MEIS1: variants seen among roughly 807,000 people sequenced by gnomAD.
The protein encoded by MEIS1 is homeobox protein Meis1.
Under a neutral mutation model 50.8 loss-of-function variants are expected in MEIS1, and 5 were observed. That is an observed-to-expected ratio of 0.10 (90% CI 0.05 to 0.21). MEIS1 has a LOEUF of 0.21. Among genes scored for constraint, MEIS1 ranks in the 10% least tolerant of loss-of-function variants. The pLI, the probability that MEIS1 is intolerant of heterozygous loss-of-function variation, is 1.00. For missense variants in MEIS1, 318 were observed against 517.3 expected (o/e 0.61, Z 3.74); for synonymous variants, 176 against 179.3 (o/e 0.98, Z 0.15).
chr2:66,504,311 G>T (rs1199989376), intron 7 of MEIS1, among the ~76,000 whole-genome samples: 1 of 152,002 alleles, frequency 6.6e-6, no homozygotes, highest in Non-Finnish European at 1.5e-5. Flanking sequence ...TCAGCTCACT[G>T]CAGCCTCCGC....
chr2:66,437,471 A>T, intron 1 of MEIS1: 1 of 475,012 alleles, frequency 2.1e-6, no homozygotes, highest in East Asian at 3.6e-5. Flanking sequence ...TTCTTGCCAA[A>T]GGAGCCTGAA....
chr2:66,499,551 G>A (rs1440900224), intron 7 of MEIS1, among the ~76,000 whole-genome samples: 1 of 152,086 alleles, frequency 6.6e-6, no homozygotes, highest in African/African-American at 2.4e-5. Context: ...GAACAGGAGA[G>A]TGCCTTGAGA....
At chr2:66,515,755 A>G (rs1376021980) in intron 8 of MEIS1, among the ~76,000 whole-genome samples, 1 of 152,202 alleles carries the variant, frequency 6.6e-6, no homozygotes, top group African/African-American at 2.4e-5. Flanking sequence ...TGGAATTGAA[A>G]GGAATGACTG....
intron 7 of MEIS1, among the ~76,000 whole-genome samples, chr2:66,489,895 G>C (rs977925159): frequency 6.6e-6 from 1 of 152,018 alleles, no homozygotes; most frequent in Non-Finnish European, 1.5e-5. Context: ...AATTAGTTTT[G>C]GTTTATATTT....
chr2:66,446,100 GC>G (rs1672136708), intron 6 of MEIS1, among the ~76,000 whole-genome samples: 1 of 152,096 alleles, frequency 6.6e-6, no homozygotes, highest in African/African-American at 2.4e-5. Context: ...GGTCCCGGCT[GC>G]GACCCCGGAG....
intron 7 of MEIS1, among the ~76,000 whole-genome samples, chr2:66,500,035 A>G (rs1323012257): frequency 2.0e-5 from 3 of 152,032 alleles, no homozygotes; most frequent in Non-Finnish European, 4.4e-5. Context: ...CCTCTTTATC[A>G]TCTTATACTT....
chr2:66,443,214 C>A, intron 6 of MEIS1, 166 bp downstream of exon 6: 1 of 726,090 alleles, frequency 1.4e-6, no homozygotes, highest in Non-Finnish European at 2.1e-6. Flanking sequence ...ATTATTGCTT[C>A]ATTAAGGCTG....
chr2:66,449,512 T>A (rs988160481), intron 6 of MEIS1, among the ~76,000 whole-genome samples: 2 of 152,108 alleles, frequency 1.3e-5, no homozygotes, highest in Non-Finnish European at 2.9e-5. Context: ...ATTTCAAGAT[T>A]ATAGGAATTT....
chr2:66,541,069 A>G (rs1457997642), intron 8 of MEIS1, among the ~76,000 whole-genome samples: 1 of 151,108 alleles, frequency 6.6e-6, no homozygotes, highest in Non-Finnish European at 1.5e-5. Flanking sequence ...AGACAGTCTC[A>G]CTCAGTCACC....
At chr2:66,516,517 TTTTC>T (rs1673972671) in intron 8 of MEIS1, among the ~76,000 whole-genome samples, 2 of 152,130 alleles carry the variant, frequency 1.3e-5, no homozygotes, top group Non-Finnish European at 2.9e-5. Context: ...TTTTGTTTCA[TTTTC>T]TTTCTTCTTT....
chr2:66,466,637 A>T (rs549402017), intron 7 of MEIS1, among the ~76,000 whole-genome samples: 7 of 152,360 alleles, frequency 4.6e-5, no homozygotes, highest in Non-Finnish European at 7.3e-5. Context: ...TGGATGTGTA[A>T]GCTGTGCCAG....
chr2:66,513,040 A>T (rs970609388), intron 8 of MEIS1, among the ~76,000 whole-genome samples: 8 of 152,182 alleles, frequency 5.3e-5, no homozygotes, highest in African/African-American at 1.9e-4. Context: ...AATGAATTTC[A>T]TGTTCAAAAT....
At chr2:66,519,472 G>T (rs1461531612) in intron 8 of MEIS1, among the ~76,000 whole-genome samples, 1 of 151,964 alleles carries the variant, frequency 6.6e-6, no homozygotes, top group East Asian at 1.9e-4. Context: ...ACTTCAGTGT[G>T]TCAAGAGCCA....
chr2:66,509,558 C>T (rs1219476324), intron 7 of MEIS1, among the ~76,000 whole-genome samples: 1 of 152,194 alleles, frequency 6.6e-6, no homozygotes, highest in African/African-American at 2.4e-5. Context: ...GAGGTCACTG[C>T]CAGGGACTGA....
chr2:66,560,882 T>G (rs1675197409), intron 9 of MEIS1, among the ~76,000 whole-genome samples: 1 of 152,154 alleles, frequency 6.6e-6, no homozygotes, highest in African/African-American at 2.4e-5. Context: ...TGTATTGCAA[T>G]CTTGGAACTG....
chr2:66,493,258 C>T (rs1463824617), intron 7 of MEIS1, among the ~76,000 whole-genome samples: 2 of 152,174 alleles, frequency 1.3e-5, no homozygotes, highest in Non-Finnish European at 2.9e-5. Flanking sequence ...AATCTGGGTT[C>T]AAGCCCCTTC....
intron 7 of MEIS1, among the ~76,000 whole-genome samples, chr2:66,477,614 A>G (rs1672924461): frequency 6.6e-6 from 1 of 152,206 alleles, no homozygotes; most frequent in Non-Finnish European, 1.5e-5. Context: ...CTGGGTGGAA[A>G]GGAAGAGGCC....
rs1469710142 is a variant in MEIS1 at position 66,555,045 on chromosome 2, G to GT, written c.965+7032dup. Among the ~76,000 whole-genome samples the GT allele has an allele frequency of 6.6e-5, 10 of 152,198 alleles. No individual in the cohort carries two copies. The East Asian group carries it at 1.9e-3, about 29-fold the overall frequency. On this transcript the variant is annotated intron_variant, in intron 9 of 12. Transcript: ENST00000272369. ...CTGAAGTTATTGTACAGCAAAATTT[G>GT]TTTTTTCCTCAGGCATTCAATCTTT...
chr2:66,567,545 G>A (rs1378525182), intron 10 of MEIS1, 34 bp downstream of exon 10: 7 of 1,606,864 alleles, frequency 4.4e-6, no homozygotes, highest in South Asian at 1.1e-5. Context: ...TTCAAGTCAC[G>A]CAAGCGAAAA....
Sources: allele counts gnomAD v4.1 joint callset (sites outside exome capture counted in the v4.1 genomes callset), GRCh38; gene constraint gnomAD v4.1.1; transcripts MANE v1.5; gene names NCBI Gene and HGNC (gene_info 2026-07-23, HGNC 2026-07-21).